Variants in UBE2G1 observed in about 807,000 individuals in gnomAD.
The protein encoded by UBE2G1 is ubiquitin conjugating enzyme E2 G1.
A neutral mutation model predicts 22.7 loss-of-function variants in UBE2G1; 5 were observed. The ratio of observed to expected loss-of-function variants is 0.22; its 90% CI spans 0.12 to 0.46. The LOEUF is 0.46. Ranked by LOEUF, UBE2G1 falls within the 20% of genes least tolerant of loss-of-function variation. The pLI is 0.99. For synonymous variants in UBE2G1, 74 were observed against 67.5 expected, an observed-to-expected ratio of 1.10 and a Z score of -0.47; for missense variants, 88 against 203.9, an observed-to-expected ratio of 0.43 and a Z score of 3.46.
chr17:4,273,903 ATATACC>A (rs1968789676), intron 5 of UBE2G1, among the ~76,000 whole-genome samples: 1 of 152,190 alleles, frequency 6.6e-6, no homozygotes, highest in African/African-American at 2.4e-5. Flanking sequence ...GAGAAGCCAA[ATATACC>A]TAAAGAGTTA....
At chr17:4,358,966 TA>T (rs966881436) in intron 1 of UBE2G1, among the ~76,000 whole-genome samples, 160 of 138,796 alleles carry the variant, frequency 1.2e-3, no homozygotes, top group Admixed American at 1.2e-3. Context: ...AAAATAAAAT[TA>T]AAAAAAAAAA....
At chr17:4,305,026 C>G (rs1969232794) in intron 2 of UBE2G1, among the ~76,000 whole-genome samples, 1 of 150,814 alleles carries the variant, frequency 6.6e-6, no homozygotes, top group Non-Finnish European at 1.5e-5. Flanking sequence ...GATCCCGGCT[C>G]ACTGCAACCT....
At chr17:4,282,408 T>C (rs1435695142) in intron 5 of UBE2G1, among the ~76,000 whole-genome samples, 1 of 152,128 alleles carries the variant, frequency 6.6e-6, no homozygotes, top group African/African-American at 2.4e-5. Flanking sequence ...AAGGAATAGG[T>C]AGATGACTAA....
At chr17:4,316,465 G>A (rs1454433653) in intron 1 of UBE2G1, among the ~76,000 whole-genome samples, 1 of 151,976 alleles carries the variant, frequency 6.6e-6, no homozygotes, top group Non-Finnish European at 1.5e-5. Context: ...CACAAACCAA[G>A]TCACCAAAAG....
At chr17:4,365,678 C>T (rs2143845140) in intron 1 of UBE2G1, among the ~76,000 whole-genome samples, 1 of 152,290 alleles carries the variant, frequency 6.6e-6, no homozygotes, top group Middle Eastern at 3.4e-3. Context: ...CGGCGATCCG[C>T]ACTCCGCCAG....
In UBE2G1 at chr17:4,269,273, C is replaced by G. The variant is rs1246482226; in HGVS notation, c.*3281G>C. ...ATAGCTCGTGATACAGCCTCTAAGT[C>G]ATCATTTATTGATTTATAGAGCACT... is the stretch of plus-strand genomic sequence containing the variant. On this transcript the variant is annotated 3_prime_UTR_variant, in exon 6 of 6. Transcript: ENST00000396981. 1 of 152,556 alleles carries G rather than the reference C, an allele frequency of 6.6e-6. No individual in the cohort carries two copies. The highest frequency in any genetic ancestry group is 1.9e-4 in the East Asian group (1 of 5,196). 9.5% of individuals were successfully genotyped at this position (152,556 alleles called of 1,614,324 possible).
At chr17:4,365,842 C>T (rs933352831) in intron 1 of UBE2G1, among the ~76,000 whole-genome samples, 10 of 152,150 alleles carry the variant, frequency 6.6e-5, no homozygotes, top group African/African-American at 2.4e-4. Flanking sequence ...CCTCAGACAC[C>T]GAGCCGGGGA....
intron 2 of UBE2G1, among the ~76,000 whole-genome samples, chr17:4,299,920 G>A (rs1480581306): frequency 1.2e-4 from 18 of 150,218 alleles, no homozygotes; most frequent in African/African-American, 3.9e-4. Context: ...TCTGCCTCCC[G>A]GGTTGAAGAG....
intron 5 of UBE2G1, among the ~76,000 whole-genome samples, chr17:4,280,336 CTTTTTTTTTTT>C (rs71144178): frequency 5.8e-5 from 4 of 68,982 alleles, no homozygotes; most frequent in South Asian, 1.1e-3. Flanking sequence ...GGCACCTGGG[CTTTTTTTTTTT>C]TTTTTTTTTT....
At chr17:4,361,296 G>C (rs1169349555) in intron 1 of UBE2G1, among the ~76,000 whole-genome samples, 1 of 151,804 alleles carries the variant, frequency 6.6e-6, no homozygotes, top group Non-Finnish European at 1.5e-5. Flanking sequence ...GGAGGCCAAG[G>C]TGGGCAGATC....
At chr17:4,350,106 A>G (rs918941781) in intron 1 of UBE2G1, among the ~76,000 whole-genome samples, 2 of 152,032 alleles carry the variant, frequency 1.3e-5, no homozygotes, top group Non-Finnish European at 2.9e-5. Flanking sequence ...CTTTTTCAGA[A>G]TCTTCTTATA....
intron 2 of UBE2G1, chr17:4,302,166 G>A (rs1969190246): frequency 3.9e-6 from 2 of 516,088 alleles, no homozygotes; most frequent in African/African-American, 3.9e-5. Context: ...ACTTGGGAAA[G>A]TTTTCTTTAC....
At chr17:4,330,808 G>A (rs949066261) in intron 1 of UBE2G1, among the ~76,000 whole-genome samples, 30 of 151,458 alleles carry the variant, frequency 2.0e-4, no homozygotes, top group African/African-American at 7.3e-4. Flanking sequence ...TGGCCAGGCT[G>A]GTTTCAAACT....
chr17:4,297,063 G>C (rs1321958897), intron 2 of UBE2G1, among the ~76,000 whole-genome samples: 1 of 152,294 alleles, frequency 6.6e-6, no homozygotes, highest in Admixed American at 6.5e-5. Context: ...ATTCACACCA[G>C]ATCAGATCAG....
chr17:4,310,460 A>C (rs1465451726), intron 1 of UBE2G1, among the ~76,000 whole-genome samples: 1 of 152,222 alleles, frequency 6.6e-6, no homozygotes, highest in African/African-American at 2.4e-5. Flanking sequence ...CAAGGTTTAG[A>C]ATCTGAACCC....
chr17:4,289,589 A>G (rs1213328101), intron 3 of UBE2G1, among the ~76,000 whole-genome samples, 181 bp from the exon 4 acceptor site: 1 of 152,246 alleles, frequency 6.6e-6, no homozygotes, highest in African/African-American at 2.4e-5. Context: ...AGATTGTACT[A>G]CATACACAGG....
intron 1 of UBE2G1, among the ~76,000 whole-genome samples, chr17:4,310,542 C>G (rs1598189381): frequency 1.3e-5 from 2 of 152,078 alleles, no homozygotes; most frequent in Non-Finnish European, 2.9e-5. Context: ...CGGCGGGGGG[C>G]AGGGGAGCAG....
chr17:4,269,608 T>G lies in UBE2G1; in HGVS notation c.*2946A>C, dbSNP rs1365026825. 5.4e-6 allele frequency: 1 copy of G among 186,218 alleles called. No individual in the cohort carries two copies. The highest frequency in any genetic ancestry group is 1.1e-5 in the Non-Finnish European group (1 of 88,780). The allele number at this position is 186,218 out of a possible 1,614,324, so 11.5% of individuals were successfully genotyped here. A position where few individuals can be genotyped will look rare whatever the true frequency, so the allele number is the denominator to read the frequency against. ...ACTGACACCCACGTGATCACAGTAC[T>G]AGTGGAATAACCTCACAAACATGTT... is the stretch of plus-strand genomic sequence containing the variant. On this transcript the variant is annotated 3_prime_UTR_variant, in exon 6 of 6. Coordinates refer to ENST00000396981, the MANE Select transcript of UBE2G1 (RefSeq NM_003342.5).
At chr17:4,300,496 T>C (rs141174280) in intron 2 of UBE2G1, among the ~76,000 whole-genome samples, 3,706 of 151,890 alleles carry the variant, frequency 0.024, 70 homozygotes, top group Non-Finnish European at 0.039. Context: ...TGAGCCAAGA[T>C]TGTGCCACTG....
Sources: gnomAD v4.1 joint callset for allele counts (sites outside exome capture counted in the v4.1 genomes callset) on GRCh38, gnomAD v4.1.1 for gene constraint, MANE v1.5 for transcripts, NCBI Gene and HGNC (gene_info 2026-07-23, HGNC 2026-07-21) for gene names.